The following CDH13 variants were observed in gnomAD, a reference collection of about 807,000 sequenced individuals.
CDH13 encodes the protein cadherin 13, also known as cadherin-13.
CDH13 carries 24 observed loss-of-function variants against 63.8 expected under a neutral mutation model. The ratio of observed to expected loss-of-function variants is 0.38; its 90% CI spans 0.27 to 0.53. The LOEUF (loss-of-function observed/expected upper bound fraction) is 0.53. CDH13 is among the 20% of genes least tolerant of loss of function. The pLI, the probability that CDH13 is intolerant of heterozygous loss-of-function variation, is 0.85. For missense variants in CDH13, 1,049 were observed against 903.1 expected, an observed-to-expected ratio of 1.16 and a Z score of -2.07; for synonymous variants, 503 against 355.3, an observed-to-expected ratio of 1.42 and a Z score of -4.67.
At chr16:83,384,400 G>A (rs1234950275) in intron 6 of CDH13, among the ~76,000 whole-genome samples, 1 of 152,150 alleles carries the variant, frequency 6.6e-6, no homozygotes, top group Non-Finnish European at 1.5e-5. Context: ...AGTGAAAGAA[G>A]GAAATAGACT....
chr16:83,769,622 A>G (rs990789638), intron 11 of CDH13, among the ~76,000 whole-genome samples: 1 of 152,196 alleles, frequency 6.6e-6, no homozygotes, highest in African/African-American at 2.4e-5. Context: ...GTTGGCATAC[A>G]GTTGAGTTGG....
chr16:83,732,030 GTTTA>G (rs1358389572), intron 10 of CDH13, among the ~76,000 whole-genome samples: 1 of 152,174 alleles, frequency 6.6e-6, no homozygotes, highest in Non-Finnish European at 1.5e-5. Flanking sequence ...AATCATCCTG[GTTTA>G]TTTATTTATT....
intron 7 of CDH13, among the ~76,000 whole-genome samples, chr16:83,595,446 G>T (rs1377913245): frequency 1.5e-4 from 23 of 152,190 alleles, no homozygotes; most frequent in African/African-American, 5.5e-4. Context: ...TAGTAAATGG[G>T]CATTCAAAAT....
At chr16:82,653,849 G>A (rs188191444) in intron 1 of CDH13, among the ~76,000 whole-genome samples, 24 of 152,228 alleles carry the variant, frequency 1.6e-4, no homozygotes, top group African/African-American at 3.9e-4. Context: ...CAGTAGTTCC[G>A]GAGAAGAAGA....
rs1343606518 is a variant in CDH13, at chr16:83,076,474, A to G, written c.366+44256A>G. 3.9e-5 allele frequency among the ~76,000 whole-genome samples: 6 copies of G among 152,144 alleles called. No individual in the cohort carries two copies. In the South Asian group the frequency reaches 1.0e-3, roughly 26 times the overall value. On this transcript the variant is annotated intron_variant, in intron 3 of 13. Coordinates refer to ENST00000567109, the MANE Select transcript of CDH13 (RefSeq NM_001257.5). ...GGGAGCCTGTCCTGACATTTCATAA[A>G]ATCATTTCTGAACCGTGACGTTTCC...
At chr16:83,146,952 G>T (rs1220591482) in intron 4 of CDH13, among the ~76,000 whole-genome samples, 1 of 152,074 alleles carries the variant, frequency 6.6e-6, no homozygotes, top group African/African-American at 2.4e-5. Context: ...GCCTGGTGTG[G>T]TGGCACACAC....
At chr16:82,645,127 A>G (rs1472143354) in intron 1 of CDH13, among the ~76,000 whole-genome samples, 1 of 152,058 alleles carries the variant, frequency 6.6e-6, no homozygotes, top group Non-Finnish European at 1.5e-5. Context: ...CACTTCTGAA[A>G]ACAAGCTCCT....
chr16:83,259,766 C>T (rs1008736256), intron 5 of CDH13, among the ~76,000 whole-genome samples: 1 of 152,134 alleles, frequency 6.6e-6, no homozygotes, highest in African/African-American at 2.4e-5. Flanking sequence ...AAACTGAATG[C>T]TGAGCCTTCT....
At chr16:82,946,088 A>G (rs994675216) in intron 2 of CDH13, among the ~76,000 whole-genome samples, 5 of 152,040 alleles carry the variant, frequency 3.3e-5, no homozygotes, top group Non-Finnish European at 5.9e-5. Flanking sequence ...TTGAGGGGAC[A>G]GTATAAGTCT....
chr16:83,052,776 CAAA>C lies in CDH13; in HGVS notation c.366+20584_366+20586del, dbSNP rs71148805. Among the ~76,000 whole-genome samples, 847 of 92,806 alleles carry C rather than the reference CAAA, an allele frequency of 9.1e-3. 46 individuals are homozygous for C. Among genetic ancestry groups the C allele is most frequent in the African/African-American group, 0.025 (533 of 21,036 alleles). 60.9% of individuals were successfully genotyped at this position (92,806 alleles called of 152,430 possible). On this transcript the variant is annotated intron_variant, in intron 3 of 13. Transcript: ENST00000567109. ...TGGGTGACAGGGCGAGACTTTATCTCAAAAAAAAAAAAAAAAAAAAAAAAAAAA... is the reference window on the plus strand; with the variant it reads ...TGGGTGACAGGGCGAGACTTTATCTCAAAAAAAAAAAAAAAAAAAAAAAAA...
At chr16:82,923,414 A>G (rs534565432) in intron 2 of CDH13, among the ~76,000 whole-genome samples, 24 of 152,336 alleles carry the variant, frequency 1.6e-4, no homozygotes, top group African/African-American at 5.8e-4. Context: ...GACTTTAGAG[A>G]GGAATAAAGC....
At chr16:83,464,764 C>A (rs901670036) in intron 6 of CDH13, among the ~76,000 whole-genome samples, 3 of 152,168 alleles carry the variant, frequency 2.0e-5, no homozygotes, top group African/African-American at 7.2e-5. Flanking sequence ...TTCTGAGATT[C>A]TGGGTAGACG....
At chr16:83,050,641 C>G (rs1400175559) in intron 3 of CDH13, among the ~76,000 whole-genome samples, 1 of 152,184 alleles carries the variant, frequency 6.6e-6, no homozygotes, top group Non-Finnish European at 1.5e-5. Flanking sequence ...ATCTCTTCTT[C>G]AGCATGTCTC....
At position 83,770,364 on chromosome 16, in the gene CDH13, T is replaced by C. The variant is rs532339471; in HGVS notation, c.1682-9604T>C. ...CAATTGCCAGGCATTCCATTCACTT[T>C]ATAGAATAGCCAGAAAGCTCCAGGG... On this transcript the variant is annotated intron_variant, in intron 11 of 13. Coordinates refer to ENST00000567109, the MANE Select transcript of CDH13 (RefSeq NM_001257.5). Among the ~76,000 whole-genome samples, 17 of 152,276 alleles carry C rather than the reference T, an allele frequency of 1.1e-4. No homozygotes were observed. In the East Asian group the frequency reaches 3.3e-3, roughly 29 times the overall value.
intron 5 of CDH13, among the ~76,000 whole-genome samples, chr16:83,235,551 C>T (rs902607072): frequency 1.2e-4 from 18 of 149,944 alleles, no homozygotes; most frequent in Non-Finnish European, 2.5e-4. Context: ...GAGGAATTTG[C>T]CAATGCTCAT....
intron 1 of CDH13, among the ~76,000 whole-genome samples, chr16:82,649,098 C>T (rs185677261): frequency 1.5e-4 from 22 of 143,676 alleles, no homozygotes; most frequent in East Asian, 4.0e-4. Context: ...AGAGAGTGAG[C>T]GCGCACCGGC....
chr16:83,081,848 T>TG (rs1331014478), intron 3 of CDH13, among the ~76,000 whole-genome samples: 1 of 152,088 alleles, frequency 6.6e-6, no homozygotes, highest in Non-Finnish European at 1.5e-5. Flanking sequence ...TTGTCCAGGC[T>TG]GGAGTACAGT....
chr16:82,644,008 C>T lies in CDH13; in HGVS notation c.45+16871C>T, dbSNP rs561747743. On this transcript the variant is annotated intron_variant, in intron 1 of 13. Coordinates refer to ENST00000567109, the MANE Select transcript of CDH13 (RefSeq NM_001257.5). The surrounding 1 kb of genome is among the most constrained non-coding windows in gnomAD (Gnocchi z 5.7). ...CAAGTGATCCTCCAGGAGTAGCTGG[C>T]ATTACAGGCTTGGCTGACTTTTAAA... Among the ~76,000 whole-genome samples the T allele has an allele frequency of 6.6e-6, 1 of 152,044 alleles. No homozygotes were observed. The highest frequency in any genetic ancestry group is 1.5e-5 in the Non-Finnish European group (1 of 68,022).
At chr16:82,753,525 C>T (rs535322513) in intron 1 of CDH13, among the ~76,000 whole-genome samples, 19 of 152,238 alleles carry the variant, frequency 1.2e-4, no homozygotes, top group African/African-American at 3.6e-4. Flanking sequence ...CTAGATATTG[C>T]CCCATGCATG....
Sources: gnomAD v4.1 joint callset for allele counts (sites outside exome capture counted in the v4.1 genomes callset) on GRCh38, gnomAD v4.1.1 for gene constraint, Gnocchi (gnomAD v3.1) non-coding constraint, MANE v1.5 for transcripts, NCBI Gene and HGNC (gene_info 2026-07-23, HGNC 2026-07-21) for gene names.